The following ROBO2 variants were observed in gnomAD, a reference collection of about 807,000 sequenced individuals.
The protein encoded by ROBO2 is roundabout guidance receptor 2.
ROBO2 carries 53 observed loss-of-function variants against 160.8 expected under a neutral mutation model. That is an observed-to-expected ratio of 0.33 (90% confidence interval 0.26 to 0.41). The LOEUF is 0.41. Ranked by LOEUF, ROBO2 falls within the 10% of genes least tolerant of loss-of-function variation. The pLI is 1.00. For synonymous variants in ROBO2, 664 were observed against 611.7 expected, an observed-to-expected ratio of 1.09 and a Z score of -1.26; for missense variants, 1,577 against 1,722.4, an observed-to-expected ratio of 0.92 and a Z score of 1.49.
At chr3:77,291,864 G>A (rs1209758414) in intron 2 of ROBO2, among the ~76,000 whole-genome samples, 1 of 151,784 alleles carries the variant, frequency 6.6e-6, no homozygotes, top group African/African-American at 2.4e-5. Flanking sequence ...GATCACCCCA[G>A]ACATAAAGTA....
chr3:76,840,564 C>T (rs981509380), intron 2 of ROBO2, among the ~76,000 whole-genome samples: 5 of 148,872 alleles, frequency 3.4e-5, no homozygotes, highest in African/African-American at 7.4e-5. Context: ...GAGCCGAGAT[C>T]GCACCACTGC....
At chr3:76,075,132 G>A (rs1204780313) in intron 2 of ROBO2, among the ~76,000 whole-genome samples, 2 of 151,778 alleles carry the variant, frequency 1.3e-5, no homozygotes, top group African/African-American at 4.8e-5. Flanking sequence ...TGATCTTCCC[G>A]CAGCCTGTTT....
intron 2 of ROBO2, among the ~76,000 whole-genome samples, chr3:76,488,859 A>G (rs914246549): frequency 1.3e-5 from 2 of 152,102 alleles, no homozygotes; most frequent in East Asian, 1.9e-4. Flanking sequence ...CAAGTTTACT[A>G]TGGAAATTAT....
chr3:77,342,932 G>A (rs1047225605), intron 2 of ROBO2, among the ~76,000 whole-genome samples: 3 of 152,136 alleles, frequency 2.0e-5, no homozygotes, highest in Non-Finnish European at 2.9e-5. Context: ...TTTCCTCACC[G>A]TCCTGGAGGC....
intron 2 of ROBO2, among the ~76,000 whole-genome samples, chr3:77,369,805 A>G (rs1407608533): frequency 6.6e-6 from 1 of 152,196 alleles, no homozygotes; most frequent in Non-Finnish European, 1.5e-5. Flanking sequence ...CAAGAGTTAT[A>G]TTCTTGCAAG....
intron 2 of ROBO2, among the ~76,000 whole-genome samples, chr3:76,175,174 G>C (rs771811486): frequency 3.3e-5 from 5 of 151,864 alleles, no homozygotes; most frequent in Admixed American, 6.6e-5. Flanking sequence ...TCTATTATTG[G>C]TGTATAGGAA....
chr3:75,915,189 T>A (rs1175715651), intron 1 of ROBO2, among the ~76,000 whole-genome samples: 1 of 152,200 alleles, frequency 6.6e-6, no homozygotes. Flanking sequence ...GAATGTTTGC[T>A]TATGGAACAT....
chr3:76,965,886 TTATTTTTAAATGATTTTTTAGCTAGGCA>T (rs2059261078), intron 2 of ROBO2, among the ~76,000 whole-genome samples: 1 of 148,210 alleles, frequency 6.7e-6, no homozygotes, highest in Non-Finnish European at 1.5e-5. Flanking sequence ...CCTGTTTGCT[TTATTTTTAAATGATTTTTTAGCTAGGCA>T]TATTTTCTTT....
intron 2 of ROBO2, among the ~76,000 whole-genome samples, chr3:75,985,114 A>T (rs867945017): frequency 6.6e-6 from 1 of 151,350 alleles, no homozygotes. Context: ...GTTATTCTTC[A>T]TGTAATAATG....
intron 2 of ROBO2, among the ~76,000 whole-genome samples, chr3:76,482,021 C>G (rs73117849): frequency 0.11 from 16,807 of 152,032 alleles, 1,023 homozygotes; most frequent in Middle Eastern, 0.15. Context: ...AAGTCAGAAT[C>G]CCCAACCAGA....
chr3:77,215,692 T>C (rs1328332908), intron 2 of ROBO2, among the ~76,000 whole-genome samples: 2 of 152,158 alleles, frequency 1.3e-5, no homozygotes, highest in Non-Finnish European at 2.9e-5. Flanking sequence ...GCTCTGTTTT[T>C]TTCCCCATCT....
chr3:77,229,388 A>G (rs939108145), intron 2 of ROBO2, among the ~76,000 whole-genome samples: 2 of 152,128 alleles, frequency 1.3e-5, no homozygotes, highest in African/African-American at 4.8e-5. Flanking sequence ...CATTAAAGGA[A>G]TGGACCACAT....
intron 24 of ROBO2, among the ~76,000 whole-genome samples, chr3:77,644,119 G>C (rs13327835): frequency 1.0e-5 from 1 of 97,668 alleles, no homozygotes; most frequent in Non-Finnish European, 2.1e-5. Flanking sequence ...GAGACAATCT[G>C]TAAAAAAAAA....
At chr3:77,094,019 G>C (rs1279734145) in intron 1 of ROBO2, among the ~76,000 whole-genome samples, 1 of 152,052 alleles carries the variant, frequency 6.6e-6, no homozygotes, top group African/African-American at 2.4e-5. Flanking sequence ...TTTACCCAAA[G>C]TATAAAATAT....
intron 2 of ROBO2, among the ~76,000 whole-genome samples, chr3:77,422,777 A>G (rs1361388646): frequency 6.6e-6 from 1 of 152,192 alleles, no homozygotes; most frequent in East Asian, 1.9e-4. Flanking sequence ...TCAGCCTATG[A>G]TTATATAATT....
At chr3:77,152,614 G>T (rs1560118030) in intron 2 of ROBO2, among the ~76,000 whole-genome samples, 2 of 152,188 alleles carry the variant, frequency 1.3e-5, no homozygotes, top group African/African-American at 2.4e-5. Flanking sequence ...CTTATGCCAG[G>T]CCTACTGGAT....
chr3:77,487,974 T>A (rs1440594270), intron 4 of ROBO2, among the ~76,000 whole-genome samples: 2 of 152,316 alleles, frequency 1.3e-5, no homozygotes, highest in South Asian at 2.1e-4. Flanking sequence ...AATTTTTTCA[T>A]GTAACTAAGT....
chr3:76,095,040 T>A (rs536274315), intron 2 of ROBO2, among the ~76,000 whole-genome samples: 1 of 152,046 alleles, frequency 6.6e-6, no homozygotes, highest in Non-Finnish European at 1.5e-5. Context: ...CAATAAGAAG[T>A]AGAATTAAAT....
At chr3:76,181,648 C>T (rs1701508385) in intron 2 of ROBO2, among the ~76,000 whole-genome samples, 1 of 152,100 alleles carries the variant, frequency 6.6e-6, no homozygotes, top group Non-Finnish European at 1.5e-5. Flanking sequence ...GATTCCACTG[C>T]ACTATTTAGA....
Sources: gnomAD v4.1 joint callset for allele counts (sites outside exome capture counted in the v4.1 genomes callset) on GRCh38, gnomAD v4.1.1 for gene constraint, MANE v1.5 for transcripts, NCBI Gene and HGNC (gene_info 2026-07-23, HGNC 2026-07-21) for gene names.